Variants in ESRRG observed in about 807,000 individuals in gnomAD.
ESRRG encodes the protein estrogen related receptor gamma.
ESRRG carries 13 observed loss-of-function variants against 44.0 expected under a neutral mutation model. The observed-to-expected ratio is 0.30, with a 90% CI of 0.19 to 0.47. The LOEUF (loss-of-function observed/expected upper bound fraction) is 0.47. ESRRG is among the 20% of genes least tolerant of loss of function. ESRRG has a pLI of 1.00. For missense variants in ESRRG, 395 were observed against 580.6 expected, an observed-to-expected ratio of 0.68 and a Z score of 3.29; for synonymous variants, 215 against 214.6, an observed-to-expected ratio of 1.00 and a Z score of -0.02.
intron 2 of ESRRG, among the ~76,000 whole-genome samples, chr1:216,848,507 A>C (rs768730489): frequency 6.6e-5 from 10 of 152,048 alleles, no homozygotes; most frequent in Non-Finnish European, 1.0e-4. Context: ...TATACATTTC[A>C]TATAACCATT....
intron 3 of ESRRG, among the ~76,000 whole-genome samples, chr1:216,633,215 C>T (rs1056611192): frequency 6.6e-6 from 1 of 152,180 alleles, no homozygotes; most frequent in Non-Finnish European, 1.5e-5. Flanking sequence ...ATCCAGGCAG[C>T]AAGAGCTCCT....
At chr1:216,842,724 C>T (rs114535277) in intron 2 of ESRRG, among the ~76,000 whole-genome samples, 215 of 152,236 alleles carry the variant, frequency 1.4e-3, no homozygotes, top group African/African-American at 4.8e-3. Context: ...CTTTATCTAC[C>T]CATTGGCAGG....
At chr1:216,587,278 T>G (rs1279700999) in intron 3 of ESRRG, among the ~76,000 whole-genome samples, 1 of 152,168 alleles carries the variant, frequency 6.6e-6, no homozygotes, top group Non-Finnish European at 1.5e-5. Context: ...GGTTAGACAA[T>G]CTATACCTTG....
intron 2 of ESRRG, among the ~76,000 whole-genome samples, chr1:216,787,192 T>G (rs567302217): frequency 6.6e-6 from 1 of 152,274 alleles, no homozygotes; most frequent in African/African-American, 2.4e-5. Flanking sequence ...GGAAACTTAA[T>G]TGATAAACGT....
At chr1:216,895,644 A>T (rs2058330611) in intron 2 of ESRRG, among the ~76,000 whole-genome samples, 1 of 152,196 alleles carries the variant, frequency 6.6e-6, no homozygotes, top group African/African-American at 2.4e-5. Context: ...CTTAGAGTCA[A>T]CTTTTCCTTC....
At chr1:216,962,278 A>G (rs185775972) in intron 1 of ESRRG, among the ~76,000 whole-genome samples, 296 of 152,258 alleles carry the variant, frequency 1.9e-3, no homozygotes, top group African/African-American at 7.0e-3. Context: ...CCTAAGTACT[A>G]CTGAATATTG....
chr1:217,120,239 C>T (rs1225978595), intron 1 of ESRRG, among the ~76,000 whole-genome samples: 4 of 151,876 alleles, frequency 2.6e-5, no homozygotes, highest in African/African-American at 7.3e-5. Context: ...ATTCTTGACA[C>T]CTCCCTCTCC....
intron 3 of ESRRG, among the ~76,000 whole-genome samples, chr1:216,635,191 A>AAGGT (rs1397015794): frequency 6.6e-6 from 1 of 152,164 alleles, no homozygotes; most frequent in Non-Finnish European, 1.5e-5. Context: ...CAAGGGTGGA[A>AAGGT]AGGTAGCAGG....
rs1186235039 is a variant in ESRRG at position 216,774,967 on chromosome 1, A to AT, written c.-13-97477dup. Among the ~76,000 whole-genome samples, 768 of 142,040 alleles carry AT rather than the reference A, an allele frequency of 5.4e-3. 5 individuals carry two copies. Among genetic ancestry groups the AT allele is most frequent in the African/African-American group, 0.017 (645 of 38,506 alleles). 93.2% of individuals were successfully genotyped at this position (142,040 alleles called of 152,430 possible). A position where few individuals can be genotyped will look rare whatever the true frequency, so the allele number is the denominator to read the frequency against. ...CAGGTGCACACCAACATGCTCGGCT[A>AT]TTTTTTTTTTTTTTAATTTTTAGTA... On this transcript the variant is annotated intron_variant, in intron 2 of 7. Coordinates refer to the ESRRG transcript ENST00000359162.
intron 2 of ESRRG, among the ~76,000 whole-genome samples, chr1:216,808,587 G>T (rs936237601): frequency 6.6e-6 from 1 of 151,834 alleles, no homozygotes; most frequent in Non-Finnish European, 1.5e-5. Flanking sequence ...TCACTCCACC[G>T]GCTAATTTTT....
chr1:216,803,811 TA>T (rs2094700229), intron 2 of ESRRG, among the ~76,000 whole-genome samples: 1 of 152,092 alleles, frequency 6.6e-6, no homozygotes, highest in Non-Finnish European at 1.5e-5. Flanking sequence ...TTCTCCCCAG[TA>T]AAAATTACCC....
intron 1 of ESRRG, among the ~76,000 whole-genome samples, chr1:217,084,303 A>G (rs1384512893): frequency 1.3e-5 from 2 of 152,208 alleles, no homozygotes; most frequent in African/African-American, 4.8e-5. Context: ...ATGTATGGTT[A>G]TAAACTGTAA....
At position 216,519,075 on chromosome 1, in the gene ESRRG, T is replaced by A. The variant is rs1572131860; in HGVS notation, c.1132+77A>T. 41 of 1,316,848 alleles carry A rather than the reference T, an allele frequency of 3.1e-5. No individual in the cohort carries two copies. The East Asian group carries it at 9.5e-4, about 30-fold the overall frequency. The allele number at this position is 1,316,848 out of a possible 1,614,324, so 81.6% of individuals were successfully genotyped here. On this transcript the variant is annotated intron_variant, in intron 6 of 6. Transcript: ENST00000408911. ...AAATTTACAAACCAGGTCTAGCAAA[T>A]CCCTAAAGAAGTTAAGGAGAGGGGT...
chr1:216,762,472 G>A (rs1012816449), intron 2 of ESRRG, among the ~76,000 whole-genome samples: 18 of 149,526 alleles, frequency 1.2e-4, no homozygotes, highest in African/African-American at 3.2e-4. Flanking sequence ...ACCAAACACC[G>A]CATATTCTCA....
chr1:216,591,261 T>A (rs887148083), intron 3 of ESRRG, among the ~76,000 whole-genome samples: 1 of 152,184 alleles, frequency 6.6e-6, no homozygotes, highest in Non-Finnish European at 1.5e-5. Context: ...CATGCCTACA[T>A]AATGGAAACA....
chr1:216,676,762 A>G (rs2076180314), intron 2 of ESRRG, among the ~76,000 whole-genome samples: 1 of 152,318 alleles, frequency 6.6e-6, no homozygotes, highest in East Asian at 1.9e-4. Flanking sequence ...TGTTAGTCCA[A>G]TGTGCATTTG....
At chr1:216,551,832 T>C (rs1337006639) in intron 5 of ESRRG, among the ~76,000 whole-genome samples, 2 of 152,186 alleles carry the variant, frequency 1.3e-5, no homozygotes, top group Admixed American at 1.3e-4. Flanking sequence ...AAATTCATGT[T>C]ATTTTATCCT....
At chr1:216,679,998 G>A (rs139207817) in intron 1 of ESRRG, among the ~76,000 whole-genome samples, 2 of 152,156 alleles carry the variant, frequency 1.3e-5, no homozygotes, top group Non-Finnish European at 2.9e-5. Context: ...AATTCGGGAC[G>A]TACAAGCTGC....
intron 3 of ESRRG, among the ~76,000 whole-genome samples, chr1:216,604,124 T>C (rs2059621308): frequency 6.6e-6 from 1 of 152,146 alleles, no homozygotes; most frequent in African/African-American, 2.4e-5. Context: ...GAAACCACAG[T>C]AGGCACTTCA....
Sources: gnomAD v4.1 joint callset for allele counts (sites outside exome capture counted in the v4.1 genomes callset) on GRCh38, gnomAD v4.1.1 for gene constraint, MANE v1.5 for transcripts, NCBI Gene and HGNC (gene_info 2026-07-23, HGNC 2026-07-21) for gene names.